SCARB1: variants seen among roughly 807,000 people sequenced by gnomAD.
The protein encoded by SCARB1 is scavenger receptor class B member 1.
In SCARB1, 30 loss-of-function variants were observed where a neutral mutation model predicts 57.2. That is an observed-to-expected ratio of 0.52 (90% CI 0.39 to 0.71). SCARB1 has a LOEUF of 0.71. Ranked by LOEUF, SCARB1 falls within the 30% of genes least tolerant of loss-of-function variation. SCARB1 has a pLI of 0.00. For missense variants in SCARB1, 543 were observed against 671.2 expected, an observed-to-expected ratio of 0.81 and a Z score of 2.11; for synonymous variants, 249 against 268.3, an observed-to-expected ratio of 0.93 and a Z score of 0.70.
At chr12:124,835,225 G>A (rs10846751) in intron 1 of SCARB1, among the ~76,000 whole-genome samples, 57,827 of 151,732 alleles carry the variant, frequency 0.38, 11,345 homozygotes, top group Admixed American at 0.51. Flanking sequence ...TACAGGGCCC[G>A]TGACCATCGC....
Position 124,789,464 on chromosome 12 carries a change from C to T in SCARB1, c.1203-2007G>A, listed in dbSNP as rs990027607. ...TGTGACCTGCCACGACGAAGGGGAC[C>T]GTGCAGACATGACTGCATCAAGGCT... On this transcript the variant is annotated intron_variant, in intron 9 of 12. Transcript: ENST00000261693. This position sits in a 1 kb window ranked among gnomAD's most constrained non-coding sequence, Gnocchi z 4.4. 2.0e-5 allele frequency among the ~76,000 whole-genome samples: 3 copies of T among 152,050 alleles called. No homozygotes were observed. Among genetic ancestry groups the T allele is most frequent in the Non-Finnish European group, 2.9e-5 (2 of 68,016 alleles).
At chr12:124,843,465 C>A (rs1016210562) in intron 1 of SCARB1, among the ~76,000 whole-genome samples, 7 of 152,072 alleles carry the variant, frequency 4.6e-5, no homozygotes, top group African/African-American at 9.7e-5. Flanking sequence ...AGGTGGAAAT[C>A]GGCTTTTAGG....
At chr12:124,785,505 GCTCA>G (rs1231567050) in intron 11 of SCARB1, 1 of 153,200 alleles carries the variant, frequency 6.5e-6, no homozygotes, top group African/African-American at 2.4e-5. Flanking sequence ...CCATGTCAAA[GCTCA>G]CTATCTACCT....
rs1373142488 is a variant in SCARB1, at chr12:124,814,550, G to C, written c.427-145C>G. On this transcript the variant is annotated intron_variant, in intron 3 of 12. Coordinates refer to ENST00000261693, the MANE Select transcript of SCARB1 (RefSeq NM_005505.5). This position sits in a 1 kb window ranked among gnomAD's most constrained non-coding sequence, Gnocchi z 4.7. ...CCTGGAGTGGCCACGTGGGGCATCTGGGACACCAGAACCACCCTCTGCTCC... is the reference window on the plus strand; with the variant it reads ...CCTGGAGTGGCCACGTGGGGCATCTCGGACACCAGAACCACCCTCTGCTCC... The C allele has an allele frequency of 1.2e-6, 1 of 815,276 alleles. No individual in the cohort carries two copies. The highest frequency in any genetic ancestry group is 2.1e-6 in the Non-Finnish European group (1 of 483,604). The allele number at this position is 815,276 out of a possible 1,614,324, so 50.5% of individuals were successfully genotyped here.
chr12:124,808,081 C>T (rs980182498), intron 6 of SCARB1, among the ~76,000 whole-genome samples, 154 bp from the exon 7 acceptor site: 4 of 152,190 alleles, frequency 2.6e-5, no homozygotes, highest in African/African-American at 4.8e-5. Flanking sequence ...GGAGCTGCAG[C>T]GACCTCCTAA....
intron 1 of SCARB1, among the ~76,000 whole-genome samples, chr12:124,824,017 T>C (rs1267587350): frequency 1.4e-5 from 2 of 141,866 alleles, no homozygotes; most frequent in African/African-American, 5.5e-5. Context: ...AAAAAATATA[T>C]ACAAAAATTA....
Position 124,837,534 on chromosome 12 carries a change from GAAAGA to G in SCARB1, c.127-19832_127-19828del, listed in dbSNP as rs1183802916. Among the ~76,000 whole-genome samples, 631 of 79,376 alleles carry G rather than the reference GAAAGA, an allele frequency of 7.9e-3. 14 individuals are homozygous for G. Among genetic ancestry groups the G allele is most frequent in the African/African-American group, 0.034 (604 of 17,774 alleles). The allele number at this position is 79,376 out of a possible 152,430, so 52.1% of individuals were successfully genotyped here. A position where few individuals can be genotyped will look rare whatever the true frequency, so the allele number is the denominator to read the frequency against. On this transcript the variant is annotated intron_variant, in intron 1 of 12. Coordinates refer to ENST00000261693, the MANE Select transcript of SCARB1 (RefSeq NM_005505.5). ...AAAAAGAAAAGAAAGGAAAGAAAAAGAAAGAAAAGAAAAGAAAAGAAAAGAAAAGA... is the reference window on the plus strand; with the variant it reads ...AAAAAGAAAAGAAAGGAAAGAAAAAGAAAGAAAAGAAAAGAAAAGAAAAGA...
chr12:124,850,802 G>C (rs1256397247), intron 1 of SCARB1, among the ~76,000 whole-genome samples: 1 of 152,262 alleles, frequency 6.6e-6, no homozygotes, highest in Non-Finnish European at 1.5e-5. Context: ...GTAACAGCCA[G>C]AGACAGTGAA....
chr12:124,836,603 C>A (rs868453763), intron 1 of SCARB1, among the ~76,000 whole-genome samples: 1 of 151,916 alleles, frequency 6.6e-6, no homozygotes, highest in Non-Finnish European at 1.5e-5. Context: ...GACCAGCCTG[C>A]GCAACACAGT....
intron 1 of SCARB1, among the ~76,000 whole-genome samples, chr12:124,844,323 G>A (rs1952046638): frequency 6.6e-6 from 1 of 152,132 alleles, no homozygotes; most frequent in African/African-American, 2.4e-5. Flanking sequence ...GACGTGACAG[G>A]CCACATGAAG....
At chr12:124,809,353 A>C (rs1950442652) in intron 6 of SCARB1, among the ~76,000 whole-genome samples, 1 of 152,220 alleles carries the variant, frequency 6.6e-6, no homozygotes, top group Non-Finnish European at 1.5e-5. Context: ...GGGAGGCTGA[A>C]GCAGGAAGAT....
chr12:124,837,089 CA>C (rs1254617452), intron 1 of SCARB1, among the ~76,000 whole-genome samples: 3 of 152,270 alleles, frequency 2.0e-5, no homozygotes, highest in Admixed American at 2.0e-4. Flanking sequence ...CCTTCCCCGC[CA>C]AATCAGGGCC....
At chr12:124,855,306 C>A (rs1952582600) in intron 1 of SCARB1, among the ~76,000 whole-genome samples, 1 of 151,862 alleles carries the variant, frequency 6.6e-6, no homozygotes, top group African/African-American at 2.4e-5. Context: ...ACGGCCAGGC[C>A]TTGGGCCATG....
At chr12:124,859,306 T>C (rs1437165981) in intron 1 of SCARB1, among the ~76,000 whole-genome samples, 4 of 151,998 alleles carry the variant, frequency 2.6e-5, no homozygotes, top group African/African-American at 4.8e-5. Context: ...GAGGGGAAGA[T>C]CACAAGGTCA....
rs1193295653 is a variant in SCARB1 at position 124,786,311 on chromosome 12, C to G, written c.1401+46G>C. On this transcript the variant is annotated intron_variant, in intron 11 of 12. Transcript: ENST00000261693. ...TCTGAGGCCCCTTTCCCCCAGCAGG[C>G]AAGCGAATGGCTGTCAGCCCGGGCT... 5.0e-6 allele frequency: 8 copies of G among 1,610,016 alleles called. No homozygotes were observed. In the South Asian group the frequency reaches 8.8e-5, roughly 18 times the overall value.
intron 1 of SCARB1, among the ~76,000 whole-genome samples, chr12:124,855,125 C>T (rs1420216677): frequency 1.3e-5 from 2 of 152,146 alleles, no homozygotes; most frequent in South Asian, 2.1e-4. Context: ...AGATTTAAAG[C>T]GCCTCAAGGG....
chr12:124,826,330 C>CAG (rs1951160494), intron 1 of SCARB1, among the ~76,000 whole-genome samples: 1 of 78,906 alleles, frequency 1.3e-5, no homozygotes, highest in African/African-American at 4.0e-5. Context: ...GACCCTGTCT[C>CAG]AAAAAAAAAA....
rs1435501660 is a variant in SCARB1 at position 124,803,713 on chromosome 12, AAAT to A, written c.1010-3474_1010-3472del. On this transcript the variant is annotated intron_variant, in intron 7 of 12. Transcript: ENST00000261693. The stretch of plus-strand genomic sequence containing the variant: ...ACAAAAAAAAAAAAAAAAAAAAAAA[AAAT>A]TGAAATAAGATAAAATAAATTAGCC... Among the ~76,000 whole-genome samples the A allele has an allele frequency of 3.2e-3, 453 of 142,064 alleles. 8 individuals are homozygous for A. Among genetic ancestry groups the A allele is most frequent in the Admixed American group, 4.6e-3 (63 of 13,576 alleles). The allele number at this position is 142,064 out of a possible 152,430, so 93.2% of individuals were successfully genotyped here. A position where few individuals can be genotyped will look rare whatever the true frequency, so the allele number is the denominator to read the frequency against.
chr12:124,822,215 AAT>A lies in SCARB1; in HGVS notation c.127-4510_127-4509del, dbSNP rs1381519044. ...AGCCTTTAAGAGCGTGACTTGCCTG[AAT>A]GTTCACCAAAAACAAATATGGAATG... is the stretch of plus-strand genomic sequence containing the variant. On this transcript the variant is annotated intron_variant, in intron 1 of 12. Transcript: ENST00000261693. The surrounding 1 kb of genome is among the most constrained non-coding windows in gnomAD (Gnocchi z 5.0). Among the ~76,000 whole-genome samples the A allele has an allele frequency of 2.6e-5, 4 of 152,126 alleles. No homozygotes were observed. The highest frequency in any genetic ancestry group is 5.9e-5 in the Non-Finnish European group (4 of 68,034).
Sources: allele counts gnomAD v4.1 joint callset (sites outside exome capture counted in the v4.1 genomes callset), GRCh38; gene constraint gnomAD v4.1.1; non-coding constraint Gnocchi (gnomAD v3.1); transcripts MANE v1.5; gene names NCBI Gene and HGNC (gene_info 2026-07-23, HGNC 2026-07-21).